The following MUTYH variants were observed in gnomAD, a reference collection of about 807,000 sequenced individuals.
MUTYH encodes mutY DNA glycosylase, also known as adenine DNA glycosylase.
MUTYH carries 64 observed loss-of-function variants against 72.9 expected under a neutral mutation model. The observed-to-expected ratio is 0.88, with a 90% CI of 0.72 to 1.08. The LOEUF (loss-of-function observed/expected upper bound fraction) is 1.08. Among genes scored for constraint, MUTYH ranks in the 50% least tolerant of loss-of-function variants. MUTYH has a pLI of 0.00. For missense variants in MUTYH, 633 were observed against 671.0 expected (o/e 0.94, Z 0.63); for synonymous variants, 234 against 263.1 (o/e 0.89, Z 1.07).
chr1:45,339,722 A>C, intron 1 of MUTYH, 177 bp downstream of exon 1: 1 of 850,008 alleles, frequency 1.2e-6, no homozygotes, highest in South Asian at 1.5e-5. Flanking sequence ...CGCCTCTTTC[A>C]CTTTCTGGAG....
rs371317117 is a variant in MUTYH, at chr1:45,333,136, C to G, written c.339G>C (p.Gln113His). Reference sequence around the variant, plus strand: ...TATAGTAGTTGATCACAGTGGCAACCTGGGTCTGCTGCAGCATGACCTCTG... The same window carrying G: ...TATAGTAGTTGATCACAGTGGCAACGTGGGTCTGCTGCAGCATGACCTCTG... Reference protein sequence around the residue: ...WVSEVMLQQTQVATVINYYTG... With the variant: ...WVSEVMLQQTHVATVINYYTG... The change falls in exon 5 of 16, where the codon CAG (glutamine) becomes CAC (histidine). Residue 113 changes from glutamine (Q) to histidine (H), a missense_variant. Physicochemically the swap from Gln to His is conservative, Grantham distance 24. Coordinates refer to ENST00000456914, the MANE Select transcript of MUTYH (RefSeq NM_001048174.2). 6.2e-7 allele frequency: 1 copy of G among 1,614,212 alleles called. No homozygotes were observed. Among genetic ancestry groups the G allele is most frequent in the Non-Finnish European group, 8.5e-7 (1 of 1,180,022 alleles).
At chr1:45,339,709 C>A (rs1418698799) in intron 1 of MUTYH, 190 bp downstream of exon 1, 2 of 746,480 alleles carry the variant, frequency 2.7e-6, no homozygotes, top group Non-Finnish European at 4.0e-6. Flanking sequence ...ATGGCCCACT[C>A]CCCGCCTCTT....
At chr1:45,338,494 T>C (rs796900615) in intron 1 of MUTYH, 2 of 349,734 alleles carry the variant, frequency 5.7e-6, no homozygotes, top group African/African-American at 4.1e-5. Flanking sequence ...TATTTCTGCC[T>C]TGTAGCTCTT....
chr1:45,338,687 G>C (rs1019099020), intron 1 of MUTYH: 2 of 179,480 alleles, frequency 1.1e-5, no homozygotes, highest in Non-Finnish European at 2.4e-5. Context: ...ATGGGGGATA[G>C]TCAAAAGAGT....
rs943979644 is a variant in MUTYH, at chr1:45,334,487, C to G, written c.19G>C (p.Ala7Pro). 1.2e-6 allele frequency: 2 copies of G among 1,614,104 alleles called. No homozygotes were observed. The highest frequency in any genetic ancestry group is 1.7e-6 in the Non-Finnish European group (2 of 1,179,998). Reference sequence around the variant, plus strand: ...TGCTTCCTGTGACCACTTCCCACGGCTGCTCGTGGCTTCCTCATGATGGCC... The same window carrying G: ...TGCTTCCTGTGACCACTTCCCACGGGTGCTCGTGGCTTCCTCATGATGGCC... MRKPRA[A>P]VGSGHRKQAA... The change falls in exon 2 of 16, where the codon GCC (alanine) becomes CCC (proline). Residue 7 changes from alanine (A) to proline (P), a missense_variant. Transcript: ENST00000456914.
chr1:45,330,771 G>C (rs1340630808), intron 14 of MUTYH, among the ~76,000 whole-genome samples: 5 of 152,066 alleles, frequency 3.3e-5, no homozygotes, highest in Non-Finnish European at 5.9e-5. Flanking sequence ...CCAACATGGT[G>C]AAACCCCATC....
At chr1:45,335,694 T>C (rs1393336104) in intron 1 of MUTYH, among the ~76,000 whole-genome samples, 1 of 151,636 alleles carries the variant, frequency 6.6e-6, no homozygotes, top group Non-Finnish European at 1.5e-5. Flanking sequence ...CCATCTCTAC[T>C]AAAAATCCAA....
upstream of MUTYH, chr1:45,340,425 G>A: frequency 1.3e-6 from 2 of 1,524,618 alleles, no homozygotes; most frequent in Non-Finnish European, 1.8e-6. Context: ...GCCTGAACTA[G>A]CCACGAGGAG....
At position 45,331,723 on chromosome 1, in the gene MUTYH, C is replaced by G. The variant is rs1570382822; in HGVS notation, c.1040G>C (p.Cys347Ser). Residue 347 changes from cysteine to serine, a missense_variant, in exon 12 of 16, where the codon TGT becomes TCT. Coordinates refer to ENST00000456914, the MANE Select transcript of MUTYH (RefSeq NM_001048174.2). ...AAGGGCCCCAGGCTGTTCCAGAACACAGGTGGCAGAGCTCTCCTCCCTGGG... is the reference window on the plus strand; with the variant it reads ...AAGGGCCCCAGGCTGTTCCAGAACAGAGGTGGCAGAGCTCTCCTCCCTGGG... ...KPPREESSAT[C>S]VLEQPGALGA... The G allele has an allele frequency of 6.2e-7, 1 of 1,614,092 alleles. No homozygotes were observed. The highest frequency in any genetic ancestry group is 8.5e-7 in the Non-Finnish European group (1 of 1,180,052).
intron 15 of MUTYH, 74 bp from the exon 16 acceptor site, chr1:45,329,511 TC>T (rs2149091802): frequency 1.3e-6 from 2 of 1,575,252 alleles, no homozygotes; most frequent in Non-Finnish European, 1.7e-6. Context: ...TTGTCCTCTC[TC>T]CCTTTCCCCG....
intron 2 of MUTYH, 131 bp from the exon 3 acceptor site, chr1:45,333,692 C>T: frequency 7.4e-7 from 1 of 1,357,224 alleles, no homozygotes; most frequent in Non-Finnish European, 9.9e-7. Context: ...AGCTTTGGAG[C>T]TGGAGTCAGA....
In MUTYH at chr1:45,329,333, T is replaced by C; in HGVS notation, c.1539A>G (p.Ala513=). The C allele has an allele frequency of 6.2e-7, 1 of 1,614,160 alleles. No individual in the cohort carries two copies. Among genetic ancestry groups the C allele is most frequent in the Non-Finnish European group, 8.5e-7 (1 of 1,180,016 alleles). ...ACTGGGCTGCACTGTTGAGGCTGTGTGCATCAGTGGAGATGTGAGACCGAA... is the reference window on the plus strand; with the variant it reads ...ACTGGGCTGCACTGTTGAGGCTGTGCGCATCAGTGGAGATGTGAGACCGAA... ...NFFRSHISTD[A]HSLNSAAQ The change falls in exon 16 of 16, where the codon GCA becomes GCG. Residue 513 remains alanine (A), a synonymous_variant. Coordinates refer to ENST00000456914, the MANE Select transcript of MUTYH (RefSeq NM_001048174.2).
At chr1:45,331,962 T>C (rs1467747319) in intron 11 of MUTYH, 61 bp downstream of exon 11, 11 of 1,613,300 alleles carry the variant, frequency 6.8e-6, no homozygotes, top group Non-Finnish European at 5.1e-6. Context: ...GAGGAAGAAC[T>C]GGAATGGGGC....
In MUTYH at chr1:45,329,414, G is replaced by A. The variant is rs1000260695; in HGVS notation, c.1458C>T (p.Ser486=). 6 of 1,614,110 alleles carry A rather than the reference G, an allele frequency of 3.7e-6. No homozygotes were observed. Among genetic ancestry groups the A allele is most frequent in the Non-Finnish European group, 4.2e-6 (5 of 1,180,006 alleles). Residue 486 remains serine (S), a synonymous_variant, in exon 16 of 16, where the codon TCC becomes TCT. Coordinates refer to ENST00000456914, the MANE Select transcript of MUTYH (RefSeq NM_001048174.2). ...GGGGCTTTTTCCGACTGCACGGAGAGGACACCTGGGACCTTTTGGAACCCT... is the reference window on the plus strand; with the variant it reads ...GGGGCTTTTTCCGACTGCACGGAGAAGACACCTGGGACCTTTTGGAACCCT... ...TCMGSKRSQV[S]SPCSRKKPRM... is the part of the protein sequence containing the mutation.
chr1:45,339,287 A>ACCGCAACCTCTGCCTCC (rs1646525180), intron 1 of MUTYH, among the ~76,000 whole-genome samples: 1 of 142,830 alleles, frequency 7.0e-6, no homozygotes, highest in Non-Finnish European at 1.5e-5. Context: ...ATCTCGGCTC[A>ACCGCAACCTCTGCCTCC]CCGCAACCTC....
rs754652471 is a variant in MUTYH, at chr1:45,332,418, C to G, written c.677G>C (p.Ser226Thr). 6.2e-7 allele frequency: 1 copy of G among 1,614,208 alleles called. No homozygotes were observed. The highest frequency in any genetic ancestry group is 1.3e-5 in the African/African-American group (1 of 75,062). ...GAGCTGCTGGGAAACAAGGGTGCTGCTGGGATCAGCACCAATGGCTCGGAC... is the reference window on the plus strand; with the variant it reads ...GAGCTGCTGGGAAACAAGGGTGCTGGTGGGATCAGCACCAATGGCTCGGAC... ...CRVRAIGADP[S>T]STLVSQQLWG... Residue 226 changes from serine (S) to threonine (T), a missense_variant, in exon 9 of 16, where the codon AGC (serine) becomes ACC (threonine). Ser to Thr is a moderately conservative substitution (Grantham distance 58, BLOSUM62 1). Transcript: ENST00000456914.
chr1:45,331,032 C>T (rs1371946176), intron 14 of MUTYH, 150 bp downstream of exon 14: 1 of 1,070,160 alleles, frequency 9.3e-7, no homozygotes. Flanking sequence ...TTGCAGTCAA[C>T]CGAGATAGCG....
intron 1 of MUTYH, 140 bp from the exon 2 acceptor site, chr1:45,334,651 G>T: frequency 7.7e-7 from 1 of 1,295,700 alleles, no homozygotes; most frequent in Non-Finnish European, 1.1e-6. Context: ...AGATGCTCAC[G>T]GGTTTACTCT....
At chr1:45,338,143 G>A (rs1243336496) in intron 1 of MUTYH, 2 of 509,322 alleles carry the variant, frequency 3.9e-6, no homozygotes, top group South Asian at 1.5e-5. Context: ...AGAGGTCAGA[G>A]AAGTAAACCA....
Sources: gnomAD v4.1 joint callset for allele counts (sites outside exome capture counted in the v4.1 genomes callset) on GRCh38, gnomAD v4.1.1 for gene constraint, MANE v1.5 for transcripts, NCBI Gene and HGNC (gene_info 2026-07-23, HGNC 2026-07-21) for gene names.